Variants in SLC9A8 observed in about 807,000 individuals in gnomAD.
The protein encoded by SLC9A8 is sodium/hydrogen exchanger 8.
Under a neutral mutation model 66.6 loss-of-function variants are expected in SLC9A8, and 48 were observed. The ratio of observed to expected loss-of-function variants is 0.72; its 90% CI spans 0.57 to 0.92. SLC9A8 has a LOEUF of 0.92. Ranked by LOEUF, SLC9A8 falls within the 40% of genes least tolerant of loss-of-function variation. The pLI is 0.00. For synonymous variants in SLC9A8, 274 were observed against 282.6 expected (o/e 0.97, Z 0.31); for missense variants, 599 against 747.3 (o/e 0.80, Z 2.31).
rs56130195 is a variant in SLC9A8, at chr20:49,884,292, A to G, written c.1491+226A>G. On this transcript the variant is annotated intron_variant, in intron 14 of 15. Coordinates refer to ENST00000361573, the MANE Select transcript of SLC9A8 (RefSeq NM_015266.3). ...CACACACGACACACACACACACGAC[A>G]CACACACACACACACACACACACAC... 132 of 256,782 alleles carry G rather than the reference A, an allele frequency of 5.1e-4. 2 individuals are homozygous for G. The highest frequency in any genetic ancestry group is 1.2e-3 in the East Asian group (9 of 7,698). The allele number at this position is 256,782 out of a possible 1,614,324, so 15.9% of individuals were successfully genotyped here.
At chr20:49,814,204 A>G (rs987017455) in intron 1 of SLC9A8, among the ~76,000 whole-genome samples, 1 of 152,178 alleles carries the variant, frequency 6.6e-6, no homozygotes, top group Admixed American at 6.5e-5. Flanking sequence ...TTGGGTTTTC[A>G]GCTTGATTCT....
intron 8 of SLC9A8, among the ~76,000 whole-genome samples, chr20:49,858,794 C>T (rs908483883): frequency 6.6e-6 from 1 of 151,756 alleles, no homozygotes; most frequent in Non-Finnish European, 1.5e-5. Flanking sequence ...CCTGTATCTA[C>T]TAAAAATACA....
In SLC9A8 at chr20:49,892,210, A is replaced by G. The variant is rs1443496993; in HGVS notation, c.*4274A>G. 1 of 152,198 alleles carries G rather than the reference A, an allele frequency of 6.6e-6. No individual in the cohort carries two copies. Among genetic ancestry groups the G allele is most frequent in the East Asian group, 1.9e-4 (1 of 5,184 alleles). The allele number at this position is 152,198 out of a possible 1,614,324, so 9.4% of individuals were successfully genotyped here. Reference sequence around the variant, plus strand: ...TGAACAGTCGTGTCACTGGATGCCTATTTAGAAATAAAGTGTATGCTGCTG... The same window carrying G: ...TGAACAGTCGTGTCACTGGATGCCTGTTTAGAAATAAAGTGTATGCTGCTG... On this transcript the variant is annotated 3_prime_UTR_variant, in exon 16 of 16. Transcript: ENST00000361573.
In SLC9A8 at chr20:49,814,144, G is replaced by C. The variant is rs1389871577; in HGVS notation, c.27-864G>C. 2.6e-5 allele frequency among the ~76,000 whole-genome samples: 4 copies of C among 152,090 alleles called. No homozygotes were observed. The East Asian group carries it at 7.7e-4, about 29-fold the overall frequency. On this transcript the variant is annotated intron_variant, in intron 1 of 15. Transcript: ENST00000361573. Reference sequence around the variant, plus strand: ...GCTGCTCCATCCCAGACACTAAACAGCCTCAGCAGCACAAAATAAAAGAGG... The same window carrying C: ...GCTGCTCCATCCCAGACACTAAACACCCTCAGCAGCACAAAATAAAAGAGG...
chr20:49,875,737 G>C (rs1002374068), intron 11 of SLC9A8, among the ~76,000 whole-genome samples: 1 of 151,652 alleles, frequency 6.6e-6, no homozygotes, highest in Admixed American at 6.6e-5. Flanking sequence ...TGAGGGACTT[G>C]TCTCTTTTTT....
intron 15 of SLC9A8, among the ~76,000 whole-genome samples, chr20:49,887,399 T>G (rs2089929949): frequency 6.6e-6 from 1 of 152,120 alleles, no homozygotes; most frequent in African/African-American, 2.4e-5. Context: ...TGTGCGCTCT[T>G]CCAGGAGCCA....
intron 7 of SLC9A8, among the ~76,000 whole-genome samples, chr20:49,851,551 G>A (rs2088254121): frequency 6.6e-6 from 1 of 152,236 alleles, no homozygotes; most frequent in Non-Finnish European, 1.5e-5. Flanking sequence ...GAGCTGGGCA[G>A]CAGGGTCACA....
At chr20:49,860,912 A>C (rs1293358310) in intron 8 of SLC9A8, among the ~76,000 whole-genome samples, 1 of 152,190 alleles carries the variant, frequency 6.6e-6, no homozygotes, top group African/African-American at 2.4e-5. Flanking sequence ...CTTCATCCTC[A>C]TGGAATGAGG....
At chr20:49,885,590 TC>T (rs1483129184) in intron 14 of SLC9A8, among the ~76,000 whole-genome samples, 1 of 152,220 alleles carries the variant, frequency 6.6e-6, no homozygotes, top group Non-Finnish European at 1.5e-5. Context: ...CTGCAGCTGA[TC>T]CTGTGAACAC....
At chr20:49,853,668 C>A (rs2088344664) in intron 7 of SLC9A8, among the ~76,000 whole-genome samples, 1 of 152,218 alleles carries the variant, frequency 6.6e-6, no homozygotes, top group Non-Finnish European at 1.5e-5. Context: ...TGCCTGCCTG[C>A]TTGCCTTCTG....
chr20:49,848,591 G>A (rs2088110449), intron 5 of SLC9A8, among the ~76,000 whole-genome samples: 1 of 152,104 alleles, frequency 6.6e-6, no homozygotes, highest in South Asian at 2.1e-4. Flanking sequence ...GAGTTCATAG[G>A]GTTATAATAA....
At chr20:49,821,448 C>T (rs1359198727) in intron 2 of SLC9A8, among the ~76,000 whole-genome samples, 1 of 152,050 alleles carries the variant, frequency 6.6e-6, no homozygotes, top group Non-Finnish European at 1.5e-5. Flanking sequence ...ATAAAAATAA[C>T]ACCACAGATT....
chr20:49,834,139 G>GTCTCTCTCTCTCTCTCTCTCTC (rs71335517), intron 3 of SLC9A8, among the ~76,000 whole-genome samples: 1 of 65,400 alleles, frequency 1.5e-5, no homozygotes, highest in African/African-American at 7.7e-5. Flanking sequence ...ATATTAGCTT[G>GTCTCTCTCTCTCTCTCTCTCTC]TCTCTCTCTC....
intron 8 of SLC9A8, among the ~76,000 whole-genome samples, chr20:49,856,374 TA>T (rs1485161975): frequency 6.6e-6 from 1 of 152,174 alleles, no homozygotes; most frequent in Admixed American, 6.5e-5. Context: ...TTCACAGCTT[TA>T]AAATAAGGTA....
chr20:49,861,053 A>T (rs2088713782), intron 8 of SLC9A8, among the ~76,000 whole-genome samples: 1 of 152,130 alleles, frequency 6.6e-6, no homozygotes, highest in South Asian at 2.1e-4. Context: ...TGAGGGATGA[A>T]TAAGGGAGTT....
rs570543096 is a variant in SLC9A8, at chr20:49,862,889, A to G, written c.714-40A>G. Reference sequence around the variant, plus strand: ...GTTAATTTCTAAGAACTTTGTGTATATAACATTTTAATTTATTTCTGTTTT... The same window carrying G: ...GTTAATTTCTAAGAACTTTGTGTATGTAACATTTTAATTTATTTCTGTTTT... On this transcript the variant is annotated intron_variant, in intron 8 of 15. Coordinates refer to ENST00000361573, the MANE Select transcript of SLC9A8 (RefSeq NM_015266.3). 16 of 1,509,944 alleles carry G rather than the reference A, an allele frequency of 1.1e-5. No homozygotes were observed. The East Asian group carries it at 2.0e-4, about 19-fold the overall frequency. 93.5% of individuals were successfully genotyped at this position (1,509,944 alleles called of 1,614,324 possible). A position where few individuals can be genotyped will look rare whatever the true frequency, so the allele number is the denominator to read the frequency against.
rs148241815 is a variant in SLC9A8, at chr20:49,873,343, G to A, written c.959-1362G>A. On this transcript the variant is annotated intron_variant, in intron 10 of 15. Transcript: ENST00000361573. ...ACAAAAATACAAAAATTAGCTGGGC[G>A]TGGTGGTATGTGCCTGTGGTCCCAG... is the stretch of plus-strand genomic sequence containing the variant. 8.9e-3 allele frequency among the ~76,000 whole-genome samples: 1,359 copies of A among 151,962 alleles called. 23 individuals are homozygous for A. Among genetic ancestry groups the A allele is most frequent in the African/African-American group, 0.031 (1,271 of 41,426 alleles).
At chr20:49,839,410 C>G (rs537913156) in intron 3 of SLC9A8, 131 bp from the exon 4 acceptor site, 1 of 494,064 alleles carries the variant, frequency 2.0e-6, no homozygotes. Flanking sequence ...CTAAAATGTA[C>G]AAAACGAAGC....
chr20:49,849,451 C>A, intron 5 of SLC9A8, 128 bp from the exon 6 acceptor site: 1 of 682,310 alleles, frequency 1.5e-6, no homozygotes, highest in Admixed American at 2.5e-5. Flanking sequence ...CAGCTTGCCA[C>A]ACAGGTTGGG....
Sources: allele counts gnomAD v4.1 joint callset (sites outside exome capture counted in the v4.1 genomes callset), GRCh38; gene constraint gnomAD v4.1.1; transcripts MANE v1.5; gene names NCBI Gene and HGNC (gene_info 2026-07-23, HGNC 2026-07-21).